The following LYST variants were observed in gnomAD, a reference collection of about 807,000 sequenced individuals.
LYST encodes lysosomal-trafficking regulator.
A neutral mutation model predicts 413.6 loss-of-function variants in LYST; 192 were observed. The observed-to-expected ratio is 0.46, with a 90% CI of 0.41 to 0.52. The LOEUF (loss-of-function observed/expected upper bound fraction) is 0.52. LYST is among the 20% of genes least tolerant of loss of function. The pLI is 0.00. For missense variants in LYST, 3,815 were observed against 4,499.9 expected (o/e 0.85, Z 4.35); for synonymous variants, 1,525 against 1,567.3 (o/e 0.97, Z 0.64).
intron 1 of LYST, among the ~76,000 whole-genome samples, chr1:235,849,283 T>C (rs970950244): frequency 6.6e-6 from 1 of 152,142 alleles, no homozygotes; most frequent in East Asian, 1.9e-4. Flanking sequence ...ATCATCTCAA[T>C]AGATGCAGAA....
At chr1:235,856,478 G>A (rs1333929369) in intron 1 of LYST, among the ~76,000 whole-genome samples, 1 of 152,106 alleles carries the variant, frequency 6.6e-6, no homozygotes, top group Non-Finnish European at 1.5e-5. Flanking sequence ...ATCTCTAAAT[G>A]CCTCTTTGGG....
intron 1 of LYST, among the ~76,000 whole-genome samples, chr1:235,865,645 A>G (rs1014326547): frequency 4.6e-5 from 7 of 152,338 alleles, no homozygotes; most frequent in Admixed American, 3.9e-4. Flanking sequence ...TCAGAAAAAG[A>G]GTTGTTGGCC....
At chr1:235,687,182 G>A in intron 47 of LYST, 135 bp from the exon 48 acceptor site, 1 of 678,890 alleles carries the variant, frequency 1.5e-6, no homozygotes. Flanking sequence ...AAAAATGTTA[G>A]GTAAACATTT....
chr1:235,704,342 A>G (rs1009012565), intron 44 of LYST, among the ~76,000 whole-genome samples: 1 of 152,178 alleles, frequency 6.6e-6, no homozygotes, highest in African/African-American at 2.4e-5. Flanking sequence ...ACTGCCTTCC[A>G]CAGTGGTTGA....
Position 235,755,467 on chromosome 1 carries a change from A to T in LYST, c.7229+11T>A, listed in dbSNP as rs758729250. On this transcript the variant is annotated intron_variant, in intron 25 of 52. Transcript: ENST00000389793. ...GATTCCCAATTATAGTGGAGGGAAG[A>T]ACACACTTACTCTTCATCAAGGCCA... 6.2e-7 allele frequency: 1 copy of T among 1,604,432 alleles called. No homozygotes were observed. Among genetic ancestry groups the T allele is most frequent in the South Asian group, 1.1e-5 (1 of 90,874 alleles).
chr1:235,871,676 T>C (rs1344112722), upstream of LYST, among the ~76,000 whole-genome samples: 1 of 152,172 alleles, frequency 6.6e-6, no homozygotes, highest in Non-Finnish European at 1.5e-5. Flanking sequence ...AGGTAGTGAG[T>C]TCTTCCTTTT....
At chr1:235,702,568 A>G (rs1397748556) in intron 45 of LYST, among the ~76,000 whole-genome samples, 179 bp downstream of exon 45, 1 of 152,210 alleles carries the variant, frequency 6.6e-6, no homozygotes, top group Middle Eastern at 3.2e-3. Context: ...GCACTCTCTC[A>G]TATCGCTAAC....
rs779776102 is a variant in LYST, at chr1:235,662,495, T to TACTC, written c.*444_*445insGAGT. The TACTC allele has an allele frequency of 2.6e-5, 5 of 194,910 alleles. No homozygotes were observed. The highest frequency in any genetic ancestry group is 2.7e-4 in the East Asian group (2 of 7,378). 12.1% of individuals were successfully genotyped at this position (194,910 alleles called of 1,614,324 possible). ...TTTTTTTCTTTCCTCTTTTGGAGCA[T>TACTC]GTGTGTGTGGTGGGAGGAGTATTTC... On this transcript the variant is annotated 3_prime_UTR_variant, in exon 53 of 53. Transcript: ENST00000389793.
intron 1 of LYST, among the ~76,000 whole-genome samples, chr1:235,859,244 G>A (rs115799795): frequency 0.021 from 3,255 of 151,832 alleles, 114 homozygotes; most frequent in African/African-American, 0.074. Context: ...ATTTCCTCTC[G>A]TTACATTTGA....
rs1301536387 is a variant in LYST, at chr1:235,809,479, T to C, written c.1339A>G (p.Thr447Ala). 1 of 1,613,884 alleles carries C rather than the reference T, an allele frequency of 6.2e-7. No individual in the cohort carries two copies. The highest frequency in any genetic ancestry group is 1.3e-5 in the African/African-American group (1 of 74,904). ...AGCCATTCCATTTGAAGAACTGCTG[T>C]TTCAAATAAATTAAATCCATGATGC... ...IQHHGFNLFETAVLQMEWLVL... is the reference protein window; with the variant it reads ...IQHHGFNLFEAAVLQMEWLVL... The change falls in exon 5 of 53, where the codon ACA (threonine) becomes GCA (alanine). Residue 447 changes from threonine to alanine, a missense_variant. Physicochemically the swap from Thr to Ala is moderately conservative, Grantham distance 58. This residue lies in a region of LYST where 1,648 missense variants were observed against 1,810.3 expected (regional missense o/e 0.91). Transcript: ENST00000389793. The surrounding 1 kb of genome is among the most constrained non-coding windows in gnomAD (Gnocchi z 4.0).
chr1:235,879,405 C>T (rs914378300), intron 1 of LYST, among the ~76,000 whole-genome samples: 2 of 152,160 alleles, frequency 1.3e-5, no homozygotes, highest in Admixed American at 6.5e-5. Context: ...CGGGAATGGT[C>T]GCCTGCTAAC....
At chr1:235,701,019 A>G (rs1266212849) in intron 45 of LYST, among the ~76,000 whole-genome samples, 1 of 152,200 alleles carries the variant, frequency 6.6e-6, no homozygotes, top group Non-Finnish European at 1.5e-5. Context: ...TTAGACTTAG[A>G]TATAATCAGA....
chr1:235,721,817 G>A (rs1007722355), intron 39 of LYST, among the ~76,000 whole-genome samples: 3 of 152,178 alleles, frequency 2.0e-5, no homozygotes, highest in Non-Finnish European at 4.4e-5. Flanking sequence ...CAACAAATAT[G>A]AACTGAATAC....
intron 1 of LYST, among the ~76,000 whole-genome samples, chr1:235,864,352 A>G (rs1175533193): frequency 6.6e-6 from 1 of 151,966 alleles, no homozygotes; most frequent in Non-Finnish European, 1.5e-5. Context: ...CCTTCTCCCC[A>G]CCAAACCTAC....
intron 45 of LYST, among the ~76,000 whole-genome samples, chr1:235,698,818 A>G (rs1558128568): frequency 6.6e-6 from 1 of 152,174 alleles, no homozygotes; most frequent in East Asian, 1.9e-4. Context: ...GCTTGCAGTA[A>G]GCCGAGATCA....
chr1:235,691,697 C>CTTT (rs774558822), intron 47 of LYST, among the ~76,000 whole-genome samples: 5,766 of 138,086 alleles, frequency 0.042, 596 homozygotes, highest in African/African-American at 0.16. Flanking sequence ...ATCAGATTCT[C>CTTT]TCTTTTTTTT....
intron 23 of LYST, 105 bp from the exon 24 acceptor site, chr1:235,757,563 A>G (rs1182777731): frequency 1.3e-6 from 1 of 791,440 alleles, no homozygotes. Flanking sequence ...GGTGAAACAA[A>G]TGTTCATAAT....
intron 1 of LYST, among the ~76,000 whole-genome samples, chr1:235,848,174 T>C (rs113199222): frequency 2.0e-5 from 3 of 152,096 alleles, no homozygotes; most frequent in African/African-American, 7.2e-5. Context: ...TGAAATTATA[T>C]CAAGCACTCT....
chr1:235,866,608 T>C (rs1203093129), intron 1 of LYST, among the ~76,000 whole-genome samples: 1 of 151,560 alleles, frequency 6.6e-6, no homozygotes, highest in African/African-American at 2.4e-5. Context: ...CCGGCGGCTG[T>C]CAAAGGCGGC....
Sources: allele counts gnomAD v4.1 joint callset (sites outside exome capture counted in the v4.1 genomes callset), GRCh38; gene constraint gnomAD v4.1.1; regional missense constraint gnomAD v4.1.1; non-coding constraint Gnocchi (gnomAD v3.1); transcripts MANE v1.5; gene names NCBI Gene and HGNC (gene_info 2026-07-23, HGNC 2026-07-21).